Variants in PTPRD observed in about 807,000 individuals in gnomAD.
PTPRD encodes the protein receptor-type tyrosine-protein phosphatase delta.
In PTPRD, 34 loss-of-function variants were observed where a neutral mutation model predicts 214.5. That is an observed-to-expected ratio of 0.16 (90% CI 0.12 to 0.21). The LOEUF (loss-of-function observed/expected upper bound fraction) is 0.21. Ranked by LOEUF, PTPRD falls within the 10% of genes least tolerant of loss-of-function variation. The probability of loss-of-function intolerance (pLI) is 1.00; values close to 1 mark genes in which losing one functional copy is unlikely to be tolerated. For missense variants in PTPRD, 2,545 were observed against 2,398.7 expected, an observed-to-expected ratio of 1.06 and a Z score of -1.27; for synonymous variants, 1,128 against 845.7, an observed-to-expected ratio of 1.33 and a Z score of -5.79.
rs1011288583 is a variant in PTPRD, at chr9:9,503,381, C to A, written c.-237+71351G>T. Among the ~76,000 whole-genome samples the A allele has an allele frequency of 5.3e-5, 8 of 151,498 alleles. No individual in the cohort carries two copies. In the Admixed American group the frequency reaches 5.3e-4, roughly 10 times the overall value. ...TATGCTCTGATAACAAAGTGACTCA[C>A]ATTTTTTAGTGTCTTTATGAAATAA... On this transcript the variant is annotated intron_variant, in intron 8 of 45. Coordinates refer to ENST00000381196, the MANE Select transcript of PTPRD (RefSeq NM_002839.4).
At chr9:9,636,813 G>A (rs1217484895) in intron 7 of PTPRD, among the ~76,000 whole-genome samples, 1 of 152,140 alleles carries the variant, frequency 6.6e-6, no homozygotes, top group Admixed American at 6.6e-5. Context: ...CAAATATGAG[G>A]TAAATTATAA....
rs1035464653 is a variant in PTPRD at position 10,242,914 on chromosome 9, G to A, written c.-545+98049C>T. 4.6e-5 allele frequency among the ~76,000 whole-genome samples: 7 copies of A among 150,712 alleles called. No homozygotes were observed. The East Asian group carries it at 1.4e-3, about 30-fold the overall frequency. On this transcript the variant is annotated intron_variant, in intron 3 of 45. Coordinates refer to ENST00000381196, the MANE Select transcript of PTPRD (RefSeq NM_002839.4). ...AAATTGCTGGAGTTTGAGAGAAAAA[G>A]GAAGGGAAGAGAGGGAGGGAGGGAG...
chr9:9,823,438 C>G (rs2051505900), intron 5 of PTPRD, among the ~76,000 whole-genome samples: 1 of 152,066 alleles, frequency 6.6e-6, no homozygotes, highest in Non-Finnish European at 1.5e-5. Flanking sequence ...ATGACCCAAA[C>G]ACCTCCCACT....
intron 10 of PTPRD, among the ~76,000 whole-genome samples, chr9:9,042,301 G>A (rs2099642504): frequency 6.6e-6 from 1 of 152,158 alleles, no homozygotes; most frequent in Non-Finnish European, 1.5e-5. Flanking sequence ...GGGGAAATGT[G>A]GATGGGTTCC....
At chr9:9,947,412 TTTTA>T (rs1403530544) in intron 4 of PTPRD, among the ~76,000 whole-genome samples, 4 of 41,010 alleles carry the variant, frequency 9.8e-5, no homozygotes, top group African/African-American at 5.3e-4. Flanking sequence ...ATAATATATA[TTTTA>T]TATATATATT....
At chr9:9,919,953 C>T (rs941051486) in intron 5 of PTPRD, among the ~76,000 whole-genome samples, 2 of 152,072 alleles carry the variant, frequency 1.3e-5, no homozygotes, top group Non-Finnish European at 2.9e-5. Flanking sequence ...AACACCTATA[C>T]GCTTTTCTGT....
At chr9:8,923,340 C>T (rs949394672) in intron 11 of PTPRD, among the ~76,000 whole-genome samples, 1 of 152,024 alleles carries the variant, frequency 6.6e-6, no homozygotes, top group African/African-American at 2.4e-5. Context: ...CCGCGCCTGG[C>T]CAGCTTCTAC....
intron 5 of PTPRD, among the ~76,000 whole-genome samples, chr9:9,865,046 A>G (rs1253565732): frequency 7.5e-6 from 1 of 133,364 alleles, no homozygotes; most frequent in African/African-American, 3.6e-5. Context: ...TTGAAGTGTG[A>G]TGTATTTTAT....
chr9:8,836,665 C>T (rs2097430900), intron 11 of PTPRD, among the ~76,000 whole-genome samples: 1 of 131,594 alleles, frequency 7.6e-6, no homozygotes, highest in Non-Finnish European at 1.6e-5. Context: ...GGCACGATCT[C>T]GGCTCACTGC....
At chr9:8,404,446 A>G in intron 36 of PTPRD, 91 bp downstream of exon 36, 3 of 1,476,688 alleles carry the variant, frequency 2.0e-6, no homozygotes, top group Non-Finnish European at 2.7e-6. Context: ...TTACTTTCAG[A>G]GATGGTTAAT....
chr9:10,267,237 A>G (rs1453243911), intron 3 of PTPRD, among the ~76,000 whole-genome samples: 3 of 151,434 alleles, frequency 2.0e-5, no homozygotes, highest in Non-Finnish European at 4.4e-5. Context: ...TCAGGGATGG[A>G]GCAGATGGAG....
In PTPRD at chr9:8,636,794, C is replaced by T. The variant is rs2096449015; in HGVS notation, c.115G>A (p.Gly39Arg). The T allele has an allele frequency of 1.9e-6, 3 of 1,613,978 alleles. No homozygotes were observed. The highest frequency in any genetic ancestry group is 2.2e-5 in the East Asian group (1 of 44,862). The change falls in exon 13 of 46, where the codon GGA becomes AGA. Residue 39 changes from glycine to arginine, a missense_variant. Physicochemically the swap from Gly to Arg is moderately radical, Grantham distance 125. Coordinates refer to ENST00000381196, the MANE Select transcript of PTPRD (RefSeq NM_002839.4). ...TPVDQTGVSG[G>R]VASFICQATG... ...GCTTGGCAGATGAAAGAGGCAACTC[C>T]GCCAGAGACCCCTGTCTGATCAACG...
At chr9:8,622,422 T>A (rs1004488713) in intron 14 of PTPRD, among the ~76,000 whole-genome samples, 8 of 151,950 alleles carry the variant, frequency 5.3e-5, no homozygotes, top group African/African-American at 1.9e-4. Context: ...AGACATTAGT[T>A]CTTACGGCAA....
At chr9:8,998,541 G>C (rs2099405777) in intron 11 of PTPRD, among the ~76,000 whole-genome samples, 1 of 152,004 alleles carries the variant, frequency 6.6e-6, no homozygotes, top group Admixed American at 6.6e-5. Context: ...CAAGCACCTA[G>C]TTACCCAAGA....
chr9:10,109,661 G>C (rs1433377620), intron 3 of PTPRD, among the ~76,000 whole-genome samples: 2 of 152,108 alleles, frequency 1.3e-5, no homozygotes, highest in Non-Finnish European at 2.9e-5. Context: ...AAGTGAATGT[G>C]TTCACTGCTG....
intron 3 of PTPRD, among the ~76,000 whole-genome samples, chr9:10,288,716 C>A (rs949374014): frequency 2.6e-5 from 4 of 152,168 alleles, no homozygotes; most frequent in African/African-American, 9.7e-5. Context: ...AAAAGCATCT[C>A]TGGCATGAAA....
At chr9:9,458,803 G>A (rs569033058) in intron 8 of PTPRD, among the ~76,000 whole-genome samples, 6 of 152,166 alleles carry the variant, frequency 3.9e-5, no homozygotes, top group Non-Finnish European at 8.8e-5. Context: ...AGCTGAGTGT[G>A]GTGGTGTATG....
chr9:8,734,836 G>A (rs145849708), intron 11 of PTPRD, among the ~76,000 whole-genome samples: 367 of 152,316 alleles, frequency 2.4e-3, no homozygotes, highest in African/African-American at 8.4e-3. Context: ...TGCTATAAAA[G>A]ATAGGATCAA....
intron 12 of PTPRD, among the ~76,000 whole-genome samples, chr9:8,663,817 GT>G (rs1318253190): frequency 2.6e-5 from 4 of 151,372 alleles, no homozygotes; most frequent in African/African-American, 4.9e-5. Flanking sequence ...AAACATGATG[GT>G]ACTATATTTG....
Sources: gnomAD v4.1 joint callset for allele counts (sites outside exome capture counted in the v4.1 genomes callset) on GRCh38, gnomAD v4.1.1 for gene constraint, MANE v1.5 for transcripts, NCBI Gene and HGNC (gene_info 2026-07-23, HGNC 2026-07-21) for gene names.